ENOX1: variants seen among roughly 807,000 people sequenced by gnomAD.
ENOX1 encodes candidate growth-related and time keeping constitutive hydroquinone (NADH) oxidase.
Under a neutral mutation model 82.5 loss-of-function variants are expected in ENOX1, and 42 were observed. That is an observed-to-expected ratio of 0.51 (90% confidence interval 0.40 to 0.66). The LOEUF is 0.66. Among genes scored for constraint, ENOX1 ranks in the 30% least tolerant of loss-of-function variants. The pLI, the probability that ENOX1 is intolerant of heterozygous loss-of-function variation, is 0.00. For missense variants in ENOX1, 608 were observed against 811.6 expected, an observed-to-expected ratio of 0.75 and a Z score of 3.05; for synonymous variants, 271 against 282.2, an observed-to-expected ratio of 0.96 and a Z score of 0.40.
At chr13:43,616,175 T>TAG (rs2082448295) in intron 2 of ENOX1, among the ~76,000 whole-genome samples, 1 of 6,406 alleles carries the variant, frequency 1.6e-4, no homozygotes, top group Non-Finnish European at 7.3e-4. Context: ...TCTATCTATC[T>TAG]ATCTATCTAT....
chr13:43,526,589 T>C (rs2078000469), intron 2 of ENOX1, among the ~76,000 whole-genome samples: 1 of 152,142 alleles, frequency 6.6e-6, no homozygotes, highest in Non-Finnish European at 1.5e-5. Context: ...AATGTTCTTT[T>C]ATATTCTAAA....
intron 1 of ENOX1, among the ~76,000 whole-genome samples, chr13:43,737,420 G>C (rs977489306): frequency 6.6e-6 from 1 of 152,124 alleles, no homozygotes; most frequent in Non-Finnish European, 1.5e-5. Flanking sequence ...CTCAGCAGTG[G>C]CAACAAATGC....
At chr13:43,717,468 A>C (rs1380343002) in intron 1 of ENOX1, among the ~76,000 whole-genome samples, 2 of 152,146 alleles carry the variant, frequency 1.3e-5, no homozygotes, top group African/African-American at 4.8e-5. Flanking sequence ...ATCCCTTCTC[A>C]ACATTGGCTT....
intron 2 of ENOX1, among the ~76,000 whole-genome samples, chr13:43,661,733 A>G (rs1019714535): frequency 6.6e-6 from 1 of 152,172 alleles, no homozygotes; most frequent in Non-Finnish European, 1.5e-5. Flanking sequence ...CATTTACAGT[A>G]CTATAGATAC....
intron 2 of ENOX1, among the ~76,000 whole-genome samples, chr13:43,596,891 A>G (rs78091514): frequency 1.1e-4 from 16 of 152,344 alleles, no homozygotes; most frequent in African/African-American, 3.6e-4. Context: ...GGTAAAAATT[A>G]CAGCATGCCC....
At chr13:43,300,798 AGAAT>A (rs2046529037) in intron 11 of ENOX1, among the ~76,000 whole-genome samples, 1 of 152,228 alleles carries the variant, frequency 6.6e-6, no homozygotes, top group Non-Finnish European at 1.5e-5. Context: ...GAGGCTGAAG[AGAAT>A]GAATAAAGGA....
chr13:43,261,846 G>A (rs1332951137), intron 14 of ENOX1, among the ~76,000 whole-genome samples: 1 of 123,930 alleles, frequency 8.1e-6, no homozygotes, highest in African/African-American at 3.0e-5. Flanking sequence ...TTGTGGGGTG[G>A]GGGGAGGGGG....
chr13:43,741,752 A>G (rs1949751031), intron 1 of ENOX1, among the ~76,000 whole-genome samples: 1 of 152,174 alleles, frequency 6.6e-6, no homozygotes, highest in African/African-American at 2.4e-5. Context: ...ACGAAGTCCA[A>G]TTTATCTGTT....
At position 43,786,312 on chromosome 13, in the gene ENOX1, G is replaced by A. The variant is rs898814991; in HGVS notation, c.-285+340C>T. 6.6e-6 allele frequency among the ~76,000 whole-genome samples: 1 copy of A among 152,178 alleles called. No homozygotes were observed. Among genetic ancestry groups the A allele is most frequent in the African/African-American group, 2.4e-5 (1 of 41,446 alleles). ...GGTGCGCTGTCCAAGGTGCAGGGGA[G>A]GTGACTGGCGCGCGGCGGGCGCGGA... On this transcript the variant is annotated intron_variant, in intron 1 of 16. Transcript: ENST00000690772. The surrounding 1 kb of genome is among the most constrained non-coding windows in gnomAD (Gnocchi z 6.0).
At chr13:43,441,093 G>A (rs11839110) in intron 3 of ENOX1, among the ~76,000 whole-genome samples, 3,094 of 152,216 alleles carry the variant, frequency 0.02, 41 homozygotes, top group Middle Eastern at 0.068. Flanking sequence ...AAAAAAGACT[G>A]AAGATCTGTC....
intron 12 of ENOX1, among the ~76,000 whole-genome samples, chr13:43,271,801 A>G (rs145399275): frequency 6.6e-6 from 1 of 152,104 alleles, no homozygotes; most frequent in South Asian, 2.1e-4. Context: ...CTTCCCTCTC[A>G]TCAGTGCTTC....
chr13:43,722,770 C>T (rs1317431498), intron 1 of ENOX1, among the ~76,000 whole-genome samples: 1 of 151,872 alleles, frequency 6.6e-6, no homozygotes, highest in East Asian at 1.9e-4. Flanking sequence ...ATCACAAAGC[C>T]AACCACCTTC....
At chr13:43,451,955 A>G (rs35546878) in intron 3 of ENOX1, among the ~76,000 whole-genome samples, 24,870 of 152,172 alleles carry the variant, frequency 0.16, 2,154 homozygotes, top group East Asian at 0.31. Context: ...AGGGGAGAGC[A>G]GACAAAACGT....
intron 14 of ENOX1, among the ~76,000 whole-genome samples, chr13:43,253,638 CATAAAAACAAATGTCTAGGAAGCCCT>C (rs2043585412): frequency 1.3e-5 from 2 of 152,320 alleles, no homozygotes; most frequent in South Asian, 4.2e-4. Flanking sequence ...TAATCTAAAT[CATAAAAACAAATGTCTAGGAAGCCCT>C]ATGGCTCCTG....
At chr13:43,613,675 T>C (rs143816176) in intron 2 of ENOX1, among the ~76,000 whole-genome samples, 1 of 152,164 alleles carries the variant, frequency 6.6e-6, no homozygotes, top group Admixed American at 6.5e-5. Flanking sequence ...CCAAAAGAAA[T>C]GGATTAATTC....
intron 2 of ENOX1, among the ~76,000 whole-genome samples, chr13:43,630,876 T>C (rs7326416): frequency 0.12 from 7,920 of 63,992 alleles, 370 homozygotes; most frequent in African/African-American, 0.24. Context: ...CACACACACA[T>C]ATATATACAC....
At chr13:43,270,355 C>G (rs919234202) in intron 12 of ENOX1, among the ~76,000 whole-genome samples, 1 of 152,306 alleles carries the variant, frequency 6.6e-6, no homozygotes, top group Non-Finnish European at 1.5e-5. Context: ...TCTGACTATT[C>G]AGAGCTTCTT....
intron 3 of ENOX1, among the ~76,000 whole-genome samples, chr13:43,477,588 G>A (rs2058340709): frequency 6.6e-6 from 1 of 152,112 alleles, no homozygotes. Context: ...GAAGTCAGTG[G>A]CACTTTTGGC....
chr13:43,676,019 C>T (rs1223864336), intron 1 of ENOX1, among the ~76,000 whole-genome samples: 2 of 152,174 alleles, frequency 1.3e-5, no homozygotes. Flanking sequence ...TTTAGACAGA[C>T]ATTTAAATTA....
Sources: allele counts gnomAD v4.1 joint callset (sites outside exome capture counted in the v4.1 genomes callset), GRCh38; gene constraint gnomAD v4.1.1; non-coding constraint Gnocchi (gnomAD v3.1); transcripts MANE v1.5; gene names NCBI Gene and HGNC (gene_info 2026-07-23, HGNC 2026-07-21).